KCNV2: variants seen among roughly 807,000 people sequenced by gnomAD.
KCNV2 encodes potassium voltage-gated channel modifier subfamily V member 2.
KCNV2 carries 65 observed loss-of-function variants against 37.0 expected under a neutral mutation model. The ratio of observed to expected loss-of-function variants is 1.76; its 90% CI spans 1.44 to 2.16. KCNV2 has a LOEUF of 2.16. KCNV2 is among the 30% of genes most tolerant of loss of function. The probability of loss-of-function intolerance (pLI) is 0.00; values close to 1 mark genes in which losing one functional copy is unlikely to be tolerated. For synonymous variants in KCNV2, 518 were observed against 328.6 expected, an observed-to-expected ratio of 1.58 and a Z score of -6.23; for missense variants, 1,232 against 766.7, an observed-to-expected ratio of 1.61 and a Z score of -7.17.
intron 1 of KCNV2, among the ~76,000 whole-genome samples, chr9:2,728,893 A>G (rs578054837): frequency 1.6e-3 from 248 of 150,886 alleles, no homozygotes; most frequent in Admixed American, 2.8e-3. Flanking sequence ...AAAAAAAAAA[A>G]AAAGAAAAAA....
At chr9:2,729,401 C>A in intron 1 of KCNV2, 45 bp from the exon 2 acceptor site, 2 of 1,608,866 alleles carry the variant, frequency 1.2e-6, no homozygotes, top group Non-Finnish European at 1.7e-6. Context: ...TTCTCCTCCC[C>A]GATCTTAGTG....
intron 1 of KCNV2, among the ~76,000 whole-genome samples, chr9:2,721,280 G>T (rs920996034): frequency 6.6e-6 from 1 of 152,088 alleles, no homozygotes; most frequent in African/African-American, 2.4e-5. Context: ...TTAGATAAAA[G>T]ACTGATCATC....
chr9:2,728,358 A>G lies in KCNV2; in HGVS notation c.1357-1088A>G, dbSNP rs897166. Among the ~76,000 whole-genome samples the G allele has an allele frequency of 3.3e-5, 5 of 152,172 alleles. No individual in the cohort carries two copies. The South Asian group carries it at 1.0e-3, about 31-fold the overall frequency. ...GCAAAAATGTTTACAACTGTGACCA[A>G]CAGCTCTGCTTAAAAGGCTTCTAGT... On this transcript the variant is annotated intron_variant, in intron 1 of 1. Coordinates refer to ENST00000382082, the MANE Select transcript of KCNV2 (RefSeq NM_133497.4).
chr9:2,720,400 C>G (rs1400287548), intron 1 of KCNV2: 1 of 152,164 alleles, frequency 6.6e-6, no homozygotes, highest in Non-Finnish European at 1.5e-5. Context: ...TCTTCCTTCC[C>G]TTGAAAGCAG....
In KCNV2 at chr9:2,718,313, C is replaced by A. The variant is rs1423174083; in HGVS notation, c.574C>A (p.Leu192Ile). The change falls in exon 1 of 2, where the codon CTC becomes ATC. Residue 192 changes from leucine (L) to isoleucine (I), a missense_variant. By Grantham distance (5) the Leu-to-Ile change is conservative. Transcript: ENST00000382082. ...LEELGYWGVR[L>I]KYTPRCCRIC... ...GGAGCTGGGCTACTGGGGCGTGCGG[C>A]TCAAGTACACGCCACGCTGCTGCCG... The A allele has an allele frequency of 2.5e-6, 4 of 1,607,384 alleles. No individual in the cohort carries two copies. The highest frequency in any genetic ancestry group is 1.3e-5 in the African/African-American group (1 of 75,034).
At chr9:2,728,517 T>C (rs1456441295) in intron 1 of KCNV2, among the ~76,000 whole-genome samples, 1 of 152,214 alleles carries the variant, frequency 6.6e-6, no homozygotes, top group African/African-American at 2.4e-5. Context: ...CAGAAGCTTG[T>C]TAACCTAAAT....
chr9:2,729,627 G>C lies in KCNV2; in HGVS notation c.1538G>C (p.Arg513Thr). Residue 513 changes from arginine to threonine, a missense_variant, in exon 2 of 2, where the codon AGG becomes ACG. Arg to Thr is a moderately conservative substitution (Grantham distance 71). Transcript: ENST00000382082. ...LKAYEYTTIR[R>T]ERGEVNFMQR... The stretch of plus-strand genomic sequence containing the variant: ...GCTTATGAGTATACCACCATACGCA[G>C]GGAGAGGGGAGAGGTGAACTTCATG... 6.2e-7 allele frequency: 1 copy of C among 1,614,092 alleles called. No individual in the cohort carries two copies. The highest frequency in any genetic ancestry group is 1.1e-5 in the South Asian group (1 of 91,070).
rs2130860300 is a variant in KCNV2, at chr9:2,717,987, C to T, written c.248C>T (p.Thr83Ile). The change falls in exon 1 of 2, where the codon ACC becomes ATC. Residue 83 changes from threonine (T) to isoleucine (I), a missense_variant. Coordinates refer to ENST00000382082, the MANE Select transcript of KCNV2 (RefSeq NM_133497.4). ...EEDQQAGEVT[T>I]AKPEGPSDPP... ...GACCAGCAGGCAGGGGAGGTCACCA[C>T]CGCCAAGCCCGAGGGCCCCAGCGAC... The T allele has an allele frequency of 6.2e-7, 1 of 1,614,146 alleles. No homozygotes were observed. Among genetic ancestry groups the T allele is most frequent in the South Asian group, 1.1e-5 (1 of 91,082 alleles).
chr9:2,729,360 G>C, intron 1 of KCNV2, 86 bp from the exon 2 acceptor site: 1 of 1,469,884 alleles, frequency 6.8e-7, no homozygotes, highest in Non-Finnish European at 9.5e-7. Flanking sequence ...CCCACAGGGA[G>C]GACGCTTCCC....
intron 1 of KCNV2, among the ~76,000 whole-genome samples, chr9:2,728,977 G>A (rs1820016810): frequency 6.6e-6 from 1 of 151,916 alleles, no homozygotes; most frequent in African/African-American, 2.4e-5. Context: ...GTCAGGACTT[G>A]AACCCAGGTC....
At position 2,729,525 on chromosome 9, in the gene KCNV2, C is replaced by G. The variant is rs369942348; in HGVS notation, c.1436C>G (p.Ala479Gly). Residue 479 changes from alanine to glycine, a missense_variant, in exon 2 of 2, where the codon GCT becomes GGT. Physicochemically the swap from Ala to Gly is moderately conservative, Grantham distance 60. Transcript: ENST00000382082. ...AGGTTTTTTGCCTTCCTCTGCATTG[C>G]TTTTGGGATCATTCTCAACGGGATG... ...LGRFFAFLCIAFGIILNGMPI... is the reference protein window; with the variant it reads ...LGRFFAFLCIGFGIILNGMPI... 25 of 1,614,120 alleles carry G rather than the reference C, an allele frequency of 1.5e-5. No individual in the cohort carries two copies. The highest frequency in any genetic ancestry group is 2.1e-5 in the Non-Finnish European group (25 of 1,180,012).
rs373963150 is a variant in KCNV2, at chr9:2,718,400, C to T, written c.661C>T (p.Arg221Cys). ...ACGGCTCAAGATCCAGCACGAGCTGCGCGCGCAGGCGCAGGTCGAGGAGGC... is the reference window on the plus strand; with the variant it reads ...ACGGCTCAAGATCCAGCACGAGCTGTGCGCGCAGGCGCAGGTCGAGGAGGC... ...SERLKIQHEL[R>C]AQAQVEEAEE... is the part of the protein sequence containing the mutation. Residue 221 changes from arginine to cysteine, a missense_variant, in exon 1 of 2, where the codon CGC becomes TGC. Arg to Cys is a radical substitution (Grantham distance 180). Coordinates refer to ENST00000382082, the MANE Select transcript of KCNV2 (RefSeq NM_133497.4). 14 of 1,601,276 alleles carry T rather than the reference C, an allele frequency of 8.7e-6. No homozygotes were observed. The highest frequency in any genetic ancestry group is 1.7e-5 in the Admixed American group (1 of 57,986).
In KCNV2 at chr9:2,717,561, C is replaced by T. The variant is rs1449957608; in HGVS notation, c.-179C>T. Reference sequence around the variant, plus strand: ...AGACCCTGCAGGCTGGGCTGGCCTGCCCAGGACCTGAGAAGGGGCAGCTCC... The same window carrying T: ...AGACCCTGCAGGCTGGGCTGGCCTGTCCAGGACCTGAGAAGGGGCAGCTCC... On this transcript the variant is annotated 5_prime_UTR_variant, in exon 1 of 2. Coordinates refer to ENST00000382082, the MANE Select transcript of KCNV2 (RefSeq NM_133497.4). The T allele has an allele frequency of 1.4e-6, 1 of 722,270 alleles. No homozygotes were observed. The highest frequency in any genetic ancestry group is 2.3e-6 in the Non-Finnish European group (1 of 428,028). The allele number at this position is 722,270 out of a possible 1,614,324, so 44.7% of individuals were successfully genotyped here. A position where few individuals can be genotyped will look rare whatever the true frequency, so the allele number is the denominator to read the frequency against.
At chr9:2,719,883 T>C (rs1365510521) in intron 1 of KCNV2, among the ~76,000 whole-genome samples, 1 of 152,282 alleles carries the variant, frequency 6.6e-6, no homozygotes, top group African/African-American at 2.4e-5. Context: ...GTAACAGTTA[T>C]TTTTTGTCAT....
intron 1 of KCNV2, 36 bp from the exon 2 acceptor site, chr9:2,729,410 T>C: frequency 6.2e-7 from 1 of 1,611,394 alleles, no homozygotes; most frequent in Non-Finnish European, 8.5e-7. Context: ...CCGATCTTAG[T>C]GCTAACAATT....
rs745621260 is a variant in KCNV2, at chr9:2,718,338, G to C, written c.599G>C (p.Arg200Pro). 4 of 1,602,974 alleles carry C rather than the reference G, an allele frequency of 2.5e-6. No homozygotes were observed. The highest frequency in any genetic ancestry group is 1.7e-5 in the Admixed American group (1 of 58,592). The change falls in exon 1 of 2, where the codon CGC becomes CCC. Residue 200 changes from arginine to proline, a missense_variant. Physicochemically the swap from Arg to Pro is moderately radical, Grantham distance 103. Transcript: ENST00000382082. Reference protein sequence around the residue: ...VRLKYTPRCCRICFEERRDEL... With the variant: ...VRLKYTPRCCPICFEERRDEL... ...CTCAAGTACACGCCACGCTGCTGCC[G>C]CATCTGCTTCGAGGAGCGGCGCGAC...
At position 2,722,040 on chromosome 9, in the gene KCNV2, T is replaced by G. The variant is rs562782353; in HGVS notation, c.1356+2945T>G. On this transcript the variant is annotated intron_variant, in intron 1 of 1. Coordinates refer to ENST00000382082, the MANE Select transcript of KCNV2 (RefSeq NM_133497.4). ...TTATTTATAAATAAATTAGAAGTTA[T>G]TTATTTATAAATAAATTAGAAGTTA... Among the ~76,000 whole-genome samples, 199 of 144,028 alleles carry G rather than the reference T, an allele frequency of 1.4e-3. 20 individuals carry two copies. The highest frequency in any genetic ancestry group is 5.1e-3 in the African/African-American group (189 of 37,142). The allele number at this position is 144,028 out of a possible 152,430, so 94.5% of individuals were successfully genotyped here.
At chr9:2,724,403 C>G (rs1451485731) in intron 1 of KCNV2, among the ~76,000 whole-genome samples, 1 of 151,856 alleles carries the variant, frequency 6.6e-6, no homozygotes, top group East Asian at 1.9e-4. Context: ...GTGAATATTT[C>G]AAACAGGGAA....
intron 1 of KCNV2, 77 bp downstream of exon 1, chr9:2,719,172 C>T: frequency 6.5e-7 from 1 of 1,533,204 alleles, no homozygotes; most frequent in Non-Finnish European, 8.9e-7. Context: ...TGGTTATCAG[C>T]CACCAGGCTT....
Sources: allele counts gnomAD v4.1 joint callset (sites outside exome capture counted in the v4.1 genomes callset), GRCh38; gene constraint gnomAD v4.1.1; transcripts MANE v1.5; gene names NCBI Gene and HGNC (gene_info 2026-07-23, HGNC 2026-07-21).